Variants in SLC35G2 observed in about 807,000 individuals in gnomAD.
The protein encoded by SLC35G2 is transmembrane protein 22.
Under a neutral mutation model 27.2 loss-of-function variants are expected in SLC35G2, and 20 were observed. The ratio of observed to expected loss-of-function variants is 0.74; its 90% confidence interval spans 0.52 to 1.07. The LOEUF (loss-of-function observed/expected upper bound fraction) is 1.07. SLC35G2 is among the 50% of genes least tolerant of loss of function. The probability of loss-of-function intolerance (pLI) is 0.00; values close to 1 mark genes in which losing one functional copy is unlikely to be tolerated. For missense variants in SLC35G2, 416 were observed against 493.3 expected (o/e 0.84, Z 1.48); for synonymous variants, 148 against 165.3 (o/e 0.90, Z 0.80).
At chr3:136,820,688 C>A (rs757545755) in intron 1 of SLC35G2, among the ~76,000 whole-genome samples, 19 of 152,202 alleles carry the variant, frequency 1.2e-4, no homozygotes, top group Non-Finnish European at 7.3e-5. Flanking sequence ...ACACTACAAG[C>A]CACACATTTT....
intron 1 of SLC35G2, chr3:136,837,697 A>C (rs1936912864): frequency 6.6e-6 from 1 of 152,198 alleles, no homozygotes; most frequent in Non-Finnish European, 1.5e-5. Context: ...TTGTATAAAG[A>C]AAGCCATGAT....
At position 136,830,743 on chromosome 3, in the gene SLC35G2, T is replaced by C. The variant is rs148699917; in HGVS notation, c.-19+11115T>C. Among the ~76,000 whole-genome samples the C allele has an allele frequency of 9.7e-4, 148 of 152,324 alleles. 1 individual carries two copies. Among genetic ancestry groups the C allele is most frequent in the African/African-American group, 3.5e-3 (145 of 41,584 alleles). ...TCATTTCTTTTTATTCTTTTTTCTT[T>C]TTGCTCTTCTGACAGTGTATTTTCA... On this transcript the variant is annotated intron_variant, in intron 1 of 1. Coordinates refer to ENST00000446465, the MANE Select transcript of SLC35G2 (RefSeq NM_025246.3).
chr3:136,847,074 G>A (rs1257708668), intron 1 of SLC35G2, among the ~76,000 whole-genome samples: 1 of 152,130 alleles, frequency 6.6e-6, no homozygotes, highest in Non-Finnish European at 1.5e-5. Context: ...GGCTGAGGGA[G>A]GCTGAGGCAG....
chr3:136,855,507 A>T lies in SLC35G2; in HGVS notation c.1047A>T (p.Thr349=), dbSNP rs369174200. The T allele has an allele frequency of 6.2e-7, 1 of 1,614,176 alleles. No individual in the cohort carries two copies. Among genetic ancestry groups the T allele is most frequent in the African/African-American group, 1.3e-5 (1 of 75,064 alleles). Residue 349 remains threonine, a synonymous_variant, in exon 2 of 2, where the codon ACA becomes ACT. Coordinates refer to ENST00000446465, the MANE Select transcript of SLC35G2 (RefSeq NM_025246.3). ...AATTCCATCCAGCTTTGGTTAGCAC[A>T]GTACAACATTTGGAGATTGTGGTAG... is the stretch of plus-strand genomic sequence containing the variant. ...LDKFHPALVS[T]VQHLEIVVAM...
At chr3:136,851,139 A>G (rs1937611102) in intron 1 of SLC35G2, among the ~76,000 whole-genome samples, 4 of 152,096 alleles carry the variant, frequency 2.6e-5, no homozygotes, top group African/African-American at 9.7e-5. Flanking sequence ...AAAATACACA[A>G]GTGGCTAGAG....
intron 1 of SLC35G2, among the ~76,000 whole-genome samples, chr3:136,847,467 T>C (rs1937439385): frequency 1.3e-5 from 2 of 152,124 alleles, no homozygotes; most frequent in South Asian, 4.1e-4. Context: ...AAGGAGAGAA[T>C]TCTAACGTAT....
chr3:136,830,104 C>CTTT (rs71134418), intron 1 of SLC35G2, among the ~76,000 whole-genome samples: 24 of 88,794 alleles, frequency 2.7e-4, no homozygotes, highest in Admixed American at 3.0e-4. Flanking sequence ...TACATTATTT[C>CTTT]TTTTTTTTTT....
In SLC35G2 at chr3:136,854,158, G is replaced by A. The variant is rs576967472; in HGVS notation, c.-18-285G>A. 3.9e-5 allele frequency among the ~76,000 whole-genome samples: 6 copies of A among 152,162 alleles called. No individual in the cohort carries two copies. The South Asian group carries it at 1.2e-3, about 32-fold the overall frequency. On this transcript the variant is annotated intron_variant, in intron 1 of 1. Transcript: ENST00000446465. ...GAGAAACAGGTAGGAATGAAAAGAT[G>A]GAAAAATCCGTTTGTGGTATAAAGA... is the stretch of plus-strand genomic sequence containing the variant.
chr3:136,820,976 T>C (rs1179573076), intron 1 of SLC35G2, among the ~76,000 whole-genome samples: 1 of 97,292 alleles, frequency 1.0e-5, no homozygotes, highest in African/African-American at 3.5e-5. Flanking sequence ...ATATAAATAA[T>C]CATAGAAATT....
chr3:136,836,191 C>T (rs1301116233), intron 1 of SLC35G2, among the ~76,000 whole-genome samples: 12 of 152,060 alleles, frequency 7.9e-5, no homozygotes, highest in Non-Finnish European at 1.8e-4. Flanking sequence ...TATATTAAAA[C>T]TCATGAATTT....
intron 1 of SLC35G2, among the ~76,000 whole-genome samples, chr3:136,850,791 T>A (rs1263558984): frequency 6.6e-6 from 1 of 151,686 alleles, no homozygotes; most frequent in African/African-American, 2.4e-5. Context: ...CCCAGGAGTT[T>A]GAGACCATCG....
At chr3:136,844,255 C>A (rs1046730687) in intron 1 of SLC35G2, among the ~76,000 whole-genome samples, 1 of 151,728 alleles carries the variant, frequency 6.6e-6, no homozygotes, top group South Asian at 2.1e-4. Context: ...TTTGGGAGGC[C>A]GAGGCGGGCG....
chr3:136,820,092 C>G (rs1375913660), intron 1 of SLC35G2: 1 of 152,254 alleles, frequency 6.6e-6, no homozygotes, highest in African/African-American at 2.4e-5. Flanking sequence ...ACCTGCATCT[C>G]GGGCCAGGTT....
At chr3:136,824,416 T>C (rs1936535465) in intron 1 of SLC35G2, among the ~76,000 whole-genome samples, 3 of 152,202 alleles carry the variant, frequency 2.0e-5, no homozygotes, top group Admixed American at 2.0e-4. Context: ...TTTTATAGTT[T>C]TCTTTGTAGA....
intron 1 of SLC35G2, among the ~76,000 whole-genome samples, chr3:136,843,599 T>C (rs1182507280): frequency 6.6e-6 from 1 of 151,448 alleles, no homozygotes; most frequent in Non-Finnish European, 1.5e-5. Flanking sequence ...TGAGCTGAGA[T>C]TGCTCCATTG....
At chr3:136,845,275 T>C (rs1451600683) in intron 1 of SLC35G2, among the ~76,000 whole-genome samples, 1 of 152,186 alleles carries the variant, frequency 6.6e-6, no homozygotes, top group Non-Finnish European at 1.5e-5. Context: ...AAACAAAATG[T>C]TATTTATTTA....
chr3:136,823,730 G>C (rs1319134921), intron 1 of SLC35G2, among the ~76,000 whole-genome samples: 1 of 151,410 alleles, frequency 6.6e-6, no homozygotes, highest in Non-Finnish European at 1.5e-5. Flanking sequence ...TGAGTAGCTG[G>C]GATTACAGGC....
At chr3:136,849,419 T>A (rs955010633) in intron 1 of SLC35G2, among the ~76,000 whole-genome samples, 2 of 152,014 alleles carry the variant, frequency 1.3e-5, no homozygotes, top group African/African-American at 4.8e-5. Flanking sequence ...AACGAAATCA[T>A]GTACCCAAAG....
chr3:136,827,584 T>A (rs536024139), intron 1 of SLC35G2, among the ~76,000 whole-genome samples: 13 of 152,338 alleles, frequency 8.5e-5, no homozygotes, highest in African/African-American at 3.1e-4. Context: ...TTTTTTGATG[T>A]AGGCATTTAT....
Sources: allele counts gnomAD v4.1 joint callset (sites outside exome capture counted in the v4.1 genomes callset), GRCh38; gene constraint gnomAD v4.1.1; transcripts MANE v1.5; gene names NCBI Gene and HGNC (gene_info 2026-07-23, HGNC 2026-07-21).